Variants in AGL observed in about 807,000 individuals in gnomAD.
AGL encodes the protein amylo-alpha-1,6-glucosidase and 4-alpha-glucanotransferase.
In AGL, 128 loss-of-function variants were observed where a neutral mutation model predicts 199.3. The observed-to-expected ratio is 0.64, with a 90% CI of 0.56 to 0.74. AGL has a LOEUF of 0.74. AGL is among the 30% of genes least tolerant of loss of function. The pLI is 0.00. For synonymous variants in AGL, 584 were observed against 594.7 expected (o/e 0.98, Z 0.26); for missense variants, 1,809 against 1,820.8 (o/e 0.99, Z 0.12).
intron 26 of AGL, 37 bp from the exon 27 acceptor site, chr1:99,902,646 T>C: frequency 1.3e-6 from 2 of 1,483,816 alleles, no homozygotes; most frequent in Non-Finnish European, 1.9e-6. Flanking sequence ...AAAAATGTAA[T>C]TTCTAACAGA....
intron 24 of AGL, among the ~76,000 whole-genome samples, chr1:99,895,494 TG>T (rs1557775730): frequency 6.6e-6 from 1 of 152,222 alleles, no homozygotes; most frequent in Non-Finnish European, 1.5e-5. Context: ...AATTTGATAA[TG>T]TTGACTCAAG....
At chr1:99,855,943 T>C (rs1345903918) in intron 2 of AGL, among the ~76,000 whole-genome samples, 1 of 152,244 alleles carries the variant, frequency 6.6e-6, no homozygotes, top group African/African-American at 2.4e-5. Context: ...ATTAGAAGAC[T>C]GAGTTTCTAT....
chr1:99,883,270 T>G lies in AGL; in HGVS notation c.2309-850T>G, dbSNP rs527597334. Among the ~76,000 whole-genome samples the G allele has an allele frequency of 8.5e-5, 13 of 152,250 alleles. No homozygotes were observed. In the East Asian group the frequency reaches 1.7e-3, roughly 20 times the overall value. The stretch of plus-strand genomic sequence containing the variant: ...GTTACCTGTTGCCAGATTAATGACT[T>G]AAAGCTTAAGTTATTTAAAGTAAGG... On this transcript the variant is annotated intron_variant, in intron 17 of 33. Coordinates refer to ENST00000361915, the MANE Select transcript of AGL (RefSeq NM_000642.3).
chr1:99,892,477 T>G lies in AGL; in HGVS notation c.3129T>G (p.Gly1043=), dbSNP rs1461649887. ...GSTFVKHLSL[G]SVQLCGVGKF... is the part of the protein sequence containing the mutation. ...CCTTTGTGAAACACCTTTCATTGGG[T>G]TCAGTTCAACTGTGTGGAGTAGGAA... The change falls in exon 24 of 34, where the codon GGT becomes GGG. Residue 1043 remains glycine, a synonymous_variant. Coordinates refer to ENST00000361915, the MANE Select transcript of AGL (RefSeq NM_000642.3). 1 of 1,613,650 alleles carries G rather than the reference T, an allele frequency of 6.2e-7. No individual in the cohort carries two copies. Among genetic ancestry groups the G allele is most frequent in the African/African-American group, 1.3e-5 (1 of 75,034 alleles).
chr1:99,920,725 T>C (rs1655458106), intron 33 of AGL, among the ~76,000 whole-genome samples: 1 of 152,218 alleles, frequency 6.6e-6, no homozygotes, highest in Non-Finnish European at 1.5e-5. Context: ...GTATGTAATA[T>C]AGCCCTGAGA....
chr1:99,861,337 G>C (rs767850524), intron 2 of AGL, 166 bp from the exon 3 acceptor site: 45 of 1,492,096 alleles, frequency 3.0e-5, no homozygotes. Context: ...GTGAAATTCA[G>C]CTAAATTGGA....
At chr1:99,860,201 T>A (rs1407222432) in intron 2 of AGL, among the ~76,000 whole-genome samples, 1 of 152,030 alleles carries the variant, frequency 6.6e-6, no homozygotes, top group Non-Finnish European at 1.5e-5. Context: ...ACAGAAAATA[T>A]CCCTGTTAGT....
At chr1:99,861,822 G>T in intron 3 of AGL, 109 bp downstream of exon 3, 1 of 1,247,122 alleles carries the variant, frequency 8.0e-7, no homozygotes. Flanking sequence ...AATTTTTATA[G>T]TGCTTCCTTG....
Position 99,923,037 on chromosome 1 carries a change from T to C in AGL, c.*1386T>C, listed in dbSNP as rs1352739148. 6.6e-6 allele frequency: 1 copy of C among 152,098 alleles called. No individual in the cohort carries two copies. Among genetic ancestry groups the C allele is most frequent in the Non-Finnish European group, 1.5e-5 (1 of 67,960 alleles). The allele number at this position is 152,098 out of a possible 1,614,324, so 9.4% of individuals were successfully genotyped here. On this transcript the variant is annotated 3_prime_UTR_variant, in exon 34 of 34. Coordinates refer to ENST00000361915, the MANE Select transcript of AGL (RefSeq NM_000642.3). ...TACCCATGCTTGAAAGCTCGTGTAATTTACTTTAAGATTATCTGCCTGCTC... is the reference window on the plus strand; with the variant it reads ...TACCCATGCTTGAAAGCTCGTGTAACTTACTTTAAGATTATCTGCCTGCTC...
chr1:99,854,180 G>C (rs1649214134), intron 2 of AGL, among the ~76,000 whole-genome samples: 1 of 151,818 alleles, frequency 6.6e-6, no homozygotes, highest in African/African-American at 2.4e-5. Context: ...GGCAACAAGA[G>C]CAAAACTCTA....
At chr1:99,879,014 G>A (rs1048880345) in intron 12 of AGL, among the ~76,000 whole-genome samples, 2 of 152,094 alleles carry the variant, frequency 1.3e-5, no homozygotes, top group African/African-American at 4.8e-5. Flanking sequence ...CAAATGTTGT[G>A]TTTAACAGTT....
At chr1:99,862,834 A>G (rs781145566) in intron 4 of AGL, among the ~76,000 whole-genome samples, 4 of 152,154 alleles carry the variant, frequency 2.6e-5, no homozygotes, top group Non-Finnish European at 4.4e-5. Flanking sequence ...CGGGGATTAC[A>G]ATTCGAATGA....
chr1:99,900,931 T>C (rs1202073732), intron 26 of AGL, 70 bp downstream of exon 26: 2 of 1,342,942 alleles, frequency 1.5e-6, no homozygotes, highest in Non-Finnish European at 2.1e-6. Flanking sequence ...TAGTTTCTAA[T>C]GTAAAAATAA....
At position 99,864,535 on chromosome 1, in the gene AGL, T is replaced by C. The variant is rs774542133; in HGVS notation, c.610T>C (p.Leu204=). Residue 204 remains leucine (L), a synonymous_variant, in exon 5 of 34, where the codon TTA becomes CTA. Transcript: ENST00000361915. ...TGATGTTGGACAGCTAGTGGAAAAA[T>C]TAAAAAAGGAATGGAATGTTATTTG... is the stretch of plus-strand genomic sequence containing the variant. ...WNDVGQLVEK[L]KKEWNVICIT... 6.2e-7 allele frequency: 1 copy of C among 1,613,754 alleles called. No homozygotes were observed. The highest frequency in any genetic ancestry group is 1.1e-5 in the South Asian group (1 of 91,058).
Position 99,923,199 on chromosome 1 carries a change from G to C in AGL, c.*1548G>C, listed in dbSNP as rs1655628844. The C allele has an allele frequency of 6.6e-6, 1 of 152,036 alleles. No homozygotes were observed. Among genetic ancestry groups the C allele is most frequent in the Admixed American group, 6.6e-5 (1 of 15,246 alleles). 9.4% of individuals were successfully genotyped at this position (152,036 alleles called of 1,614,324 possible). On this transcript the variant is annotated 3_prime_UTR_variant, in exon 34 of 34. Transcript: ENST00000361915. ...CTGACCACTATCTATAAATACATTG[G>C]ACATTGGTTTCCAAATCTCCCTTTC...
At chr1:99,889,573 G>C (rs779526536) in intron 21 of AGL, among the ~76,000 whole-genome samples, 19 of 151,802 alleles carry the variant, frequency 1.3e-4, no homozygotes, top group African/African-American at 1.9e-4. Flanking sequence ...GAGTGAGACT[G>C]TCTCAAAAAA....
chr1:99,896,510 GTTT>G, intron 25 of AGL, 122 bp downstream of exon 25: 1 of 797,086 alleles, frequency 1.3e-6, no homozygotes, highest in Non-Finnish European at 2.1e-6. Context: ...TCTTTAGGTA[GTTT>G]TTATTTTATT....
intron 5 of AGL, among the ~76,000 whole-genome samples, chr1:99,868,022 G>A (rs1650678253): frequency 6.6e-6 from 1 of 152,140 alleles, no homozygotes; most frequent in South Asian, 2.1e-4. Context: ...TTCTTCTTAT[G>A]CTGAATGCCC....
At chr1:99,896,428 CT>C in intron 25 of AGL, 40 bp downstream of exon 25, 1 of 1,430,924 alleles carries the variant, frequency 7.0e-7, no homozygotes, top group Middle Eastern at 1.8e-4. Flanking sequence ...GAGTTTATGT[CT>C]GAATGTCTTT....
Sources: allele counts gnomAD v4.1 joint callset (sites outside exome capture counted in the v4.1 genomes callset), GRCh38; gene constraint gnomAD v4.1.1; transcripts MANE v1.5; gene names NCBI Gene and HGNC (gene_info 2026-07-23, HGNC 2026-07-21).